FMOD: variants seen among roughly 807,000 people sequenced by gnomAD.
FMOD encodes the protein fibromodulin.
Under a neutral mutation model 27.0 loss-of-function variants are expected in FMOD, and 15 were observed. The observed-to-expected ratio is 0.55, with a 90% CI of 0.37 to 0.85. The LOEUF (loss-of-function observed/expected upper bound fraction) is 0.85. Among genes scored for constraint, FMOD ranks in the 40% least tolerant of loss-of-function variants. FMOD has a pLI of 0.00. For synonymous variants in FMOD, 210 were observed against 214.0 expected (o/e 0.98, Z 0.16); for missense variants, 460 against 483.2 (o/e 0.95, Z 0.45).
intron 1 of FMOD, among the ~76,000 whole-genome samples, chr1:203,350,154 C>T (rs1471325799): frequency 6.6e-6 from 1 of 152,216 alleles, no homozygotes; most frequent in Non-Finnish European, 1.5e-5. Flanking sequence ...CCCCTTCAGA[C>T]TCAGCTTTCT....
chr1:203,347,395 G>T lies in FMOD; in HGVS notation c.876C>A (p.Ser292=). ...AGAGGTCTAGCTCAAGGAGGCTGCT[G>T]GAATTGAAGGTGTTGGAGGCCAGGC... ...NNGLASNTFN[S]SSLLELDLSY... Residue 292 remains serine, a synonymous_variant, in exon 2 of 3, where the codon TCC becomes TCA. Coordinates refer to ENST00000354955, the MANE Select transcript of FMOD (RefSeq NM_002023.5). 6.2e-7 allele frequency: 1 copy of T among 1,614,212 alleles called. No homozygotes were observed. Among genetic ancestry groups the T allele is most frequent in the Non-Finnish European group, 8.5e-7 (1 of 1,180,034 alleles).
rs747434529 is a variant in FMOD, at chr1:203,342,311, G to A, written c.*32C>T. On this transcript the variant is annotated 3_prime_UTR_variant, in exon 3 of 3. Transcript: ENST00000354955. ...AACCATCAAGCCAAATGCCACGGGG[G>A]CTCTCCGCCCAGTACCCGGTGCCAG... 6.9e-6 allele frequency: 11 copies of A among 1,590,516 alleles called. No homozygotes were observed. The highest frequency in any genetic ancestry group is 3.4e-5 in the Admixed American group (2 of 58,152).
Position 203,347,650 on chromosome 1 carries a change from G to T in FMOD, c.621C>A (p.Leu207=). The T allele has an allele frequency of 6.2e-7, 1 of 1,614,190 alleles. No individual in the cohort carries two copies. ...CCACTTCCTGGATCTCATTGTGTTG[G>T]AGGTACAAGGCCGTGAGGTTCTCCA... ...EGLENLTALY[L]QHNEIQEVGS... The change falls in exon 2 of 3, where the codon CTC becomes CTA. Residue 207 remains leucine, a synonymous_variant. Coordinates refer to ENST00000354955, the MANE Select transcript of FMOD (RefSeq NM_002023.5).
chr1:203,350,930 G>T (rs994002377), intron 1 of FMOD, 103 bp downstream of exon 1: 1 of 152,246 alleles, frequency 6.6e-6, no homozygotes, highest in Non-Finnish European at 1.5e-5. Context: ...AAGGAGGAAT[G>T]AACCCTCCCT....
At chr1:203,348,418 C>T (rs1020105405) in intron 1 of FMOD, 141 bp from the exon 2 acceptor site, 1 of 874,750 alleles carries the variant, frequency 1.1e-6, no homozygotes, top group Non-Finnish European at 1.7e-6. Context: ...GAGCCTTGCT[C>T]TCATTTCTTC....
At chr1:203,345,423 T>A (rs1658870549) in intron 2 of FMOD, among the ~76,000 whole-genome samples, 1 of 152,222 alleles carries the variant, frequency 6.6e-6, no homozygotes, top group Non-Finnish European at 1.5e-5. Flanking sequence ...TTCTTTCCCA[T>A]GACAGCTGTT....
Position 203,348,206 on chromosome 1 carries a change from T to C in FMOD, c.65A>G (p.Asp22Gly). 1 of 1,614,156 alleles carries C rather than the reference T, an allele frequency of 6.2e-7. No individual in the cohort carries two copies. The highest frequency in any genetic ancestry group is 8.5e-7 in the Non-Finnish European group (1 of 1,180,026). ...LFSLSQAQYE[D>G]DPHWWFHYLR... ...GTAGTGGAACCACCAATGAGGGTCA[T>C]CTTCATACTGGGCCTGGGAGAGGGA... The change falls in exon 2 of 3, where the codon GAT (aspartate) becomes GGT (glycine). Residue 22 changes from aspartate to glycine, a missense_variant. Asp to Gly is a moderately conservative substitution (Grantham distance 94). Coordinates refer to ENST00000354955, the MANE Select transcript of FMOD (RefSeq NM_002023.5).
chr1:203,342,468 C>T lies in FMOD; in HGVS notation c.1006G>A (p.Val336Met), dbSNP rs376930920. 1.3e-5 allele frequency: 21 copies of T among 1,613,984 alleles called. No homozygotes were observed. The highest frequency in any genetic ancestry group is 6.7e-5 in the African/African-American group (5 of 74,940). The part of the protein sequence containing the change: ...NEFSISSFCT[V>M]VDVVNFSKLQ... ...TTGGAGAAGTTCACGACGTCCACCA[C>T]GGTGCAGAAGCTGCTGATGGAGAAC... The change falls in exon 3 of 3, where the codon GTG becomes ATG. Residue 336 changes from valine to methionine, a missense_variant. Coordinates refer to ENST00000354955, the MANE Select transcript of FMOD (RefSeq NM_002023.5).
At chr1:203,345,839 A>T (rs1162237211) in intron 2 of FMOD, among the ~76,000 whole-genome samples, 1 of 148,076 alleles carries the variant, frequency 6.8e-6, no homozygotes, top group Non-Finnish European at 1.5e-5. Flanking sequence ...CGGAGTTTGC[A>T]GTGAGCTGAG....
rs1275814161 is a variant in FMOD, at chr1:203,340,670, C to T, written c.*1673G>A. On this transcript the variant is annotated 3_prime_UTR_variant, in exon 3 of 3. Coordinates refer to ENST00000354955, the MANE Select transcript of FMOD (RefSeq NM_002023.5). ...TTTATTGGTCAGGTTAGCCACCACT[C>T]ATGCTTTTCCTGTAATAAGGATCCT... The T allele has an allele frequency of 6.6e-6, 1 of 152,236 alleles. No homozygotes were observed. Among genetic ancestry groups the T allele is most frequent in the African/African-American group, 2.4e-5 (1 of 41,464 alleles). 9.4% of individuals were successfully genotyped at this position (152,236 alleles called of 1,614,324 possible). A position where few individuals can be genotyped will look rare whatever the true frequency, so the allele number is the denominator to read the frequency against.
Position 203,342,512 on chromosome 1 carries a change from G to A in FMOD, c.980-18C>T, listed in dbSNP as rs767934884. ...GGAGAACTCTGTGGGGACAAGAGGA[G>A]CACGGGTCAGGGAGAGAAGCCCAGA... On this transcript the variant is annotated intron_variant, in intron 2 of 2. Coordinates refer to ENST00000354955, the MANE Select transcript of FMOD (RefSeq NM_002023.5). 52 of 1,609,882 alleles carry A rather than the reference G, an allele frequency of 3.2e-5. No homozygotes were observed. Among genetic ancestry groups the A allele is most frequent in the Non-Finnish European group, 4.0e-5 (47 of 1,177,108 alleles).
At chr1:203,345,015 T>C (rs1014257103) in intron 2 of FMOD, among the ~76,000 whole-genome samples, 1 of 152,196 alleles carries the variant, frequency 6.6e-6, no homozygotes, top group Non-Finnish European at 1.5e-5. Flanking sequence ...CTAATAATAA[T>C]AGCTATCATT....
At position 203,347,568 on chromosome 1, in the gene FMOD, G is replaced by A. The variant is rs1293837990; in HGVS notation, c.703C>T (p.Leu235Phe). The change falls in exon 2 of 3, where the codon CTT (leucine) becomes TTT (phenylalanine). Residue 235 changes from leucine to phenylalanine, a missense_variant. Coordinates refer to ENST00000354955, the MANE Select transcript of FMOD (RefSeq NM_002023.5). ...LILLDLSYNH[L>F]RKVPDGLPSA... ...GGCAGCCCATCAGGCACCTTCCGAA[G>A]GTGGTTATAACTCAGGTCCAGCAAG... 1.1e-5 allele frequency: 18 copies of A among 1,614,068 alleles called. No homozygotes were observed. Among genetic ancestry groups the A allele is most frequent in the Non-Finnish European group, 1.5e-5 (18 of 1,180,034 alleles).
At chr1:203,350,839 A>G (rs1414903643) in intron 1 of FMOD, among the ~76,000 whole-genome samples, 194 bp downstream of exon 1, 2 of 152,214 alleles carry the variant, frequency 1.3e-5, no homozygotes, top group South Asian at 2.1e-4. Flanking sequence ...TGTAAGAGAA[A>G]GGTACAGGGC....
chr1:203,342,040 G>A lies in FMOD; in HGVS notation c.*303C>T. ...GCCCATGCCACTTTTGAAGTTCCAT[G>A]ACCTCAGATCATTGGGAAGAACTTA... is the stretch of plus-strand genomic sequence containing the variant. On this transcript the variant is annotated 3_prime_UTR_variant, in exon 3 of 3. Coordinates refer to ENST00000354955, the MANE Select transcript of FMOD (RefSeq NM_002023.5). The A allele has an allele frequency of 2.9e-6, 1 of 347,452 alleles. No individual in the cohort carries two copies. The highest frequency in any genetic ancestry group is 5.3e-6 in the Non-Finnish European group (1 of 188,570). 21.5% of individuals were successfully genotyped at this position (347,452 alleles called of 1,614,324 possible).
chr1:203,346,332 G>A (rs912119829), intron 2 of FMOD, among the ~76,000 whole-genome samples: 4 of 151,988 alleles, frequency 2.6e-5, no homozygotes, highest in African/African-American at 7.3e-5. Flanking sequence ...GACAGGAAGG[G>A]AGGTCAAGTG....
rs1443451072 is a variant in FMOD at position 203,348,035 on chromosome 1, T to C, written c.236A>G (p.Glu79Gly). The change falls in exon 2 of 3, where the codon GAG (glutamate) becomes GGG (glycine). Residue 79 changes from glutamate (E) to glycine (G), a missense_variant. By Grantham distance (98) the Glu-to-Gly change is moderately conservative. Coordinates refer to ENST00000354955, the MANE Select transcript of FMOD (RefSeq NM_002023.5). ...GGGGAAGTTGGGTGGGCAGTCGCAC[T>C]CCTGGGGGCAGTCGCGGGGATCTGG... is the stretch of plus-strand genomic sequence containing the variant. ...SPPDPRDCPQ[E>G]CDCPPNFPTA... is the part of the protein sequence containing the mutation. 6.2e-6 allele frequency: 10 copies of C among 1,611,346 alleles called. No homozygotes were observed. The Admixed American group carries it at 1.7e-4, about 27-fold the overall frequency.
At chr1:203,349,116 C>T (rs2102305679) in intron 1 of FMOD, among the ~76,000 whole-genome samples, 1 of 152,338 alleles carries the variant, frequency 6.6e-6, no homozygotes, top group Non-Finnish European at 1.5e-5. Flanking sequence ...AGTTAATCTG[C>T]TTCTCTCTTC....
intron 2 of FMOD, 78 bp from the exon 3 acceptor site, chr1:203,342,572 G>C: frequency 2.1e-6 from 3 of 1,450,936 alleles, no homozygotes; most frequent in Non-Finnish European, 2.8e-6. Flanking sequence ...ATTAGCCTTT[G>C]TGAAGCAGCT....
Sources: allele counts gnomAD v4.1 joint callset (sites outside exome capture counted in the v4.1 genomes callset), GRCh38; gene constraint gnomAD v4.1.1; transcripts MANE v1.5; gene names NCBI Gene and HGNC (gene_info 2026-07-23, HGNC 2026-07-21).